Variants in ATXN1 observed in about 807,000 individuals in gnomAD.
ATXN1 encodes the protein ataxin-1.
A neutral mutation model predicts 56.4 loss-of-function variants in ATXN1; 8 were observed. The ratio of observed to expected loss-of-function variants is 0.14; its 90% CI spans 0.08 to 0.26. The LOEUF is 0.26. Ranked by LOEUF, ATXN1 falls within the 10% of genes least tolerant of loss-of-function variation. The pLI, the probability that ATXN1 is intolerant of heterozygous loss-of-function variation, is 1.00. For missense variants in ATXN1, 987 were observed against 1,106.5 expected (o/e 0.89, Z 1.53); for synonymous variants, 514 against 494.6 (o/e 1.04, Z -0.52).
intron 2 of ATXN1, among the ~76,000 whole-genome samples, chr6:16,688,838 T>C (rs780184990): frequency 8.5e-5 from 13 of 152,204 alleles, no homozygotes; most frequent in Non-Finnish European, 1.8e-4. Context: ...ATTTATGATA[T>C]CCCTGACAAC....
At chr6:16,377,621 T>G (rs1244562599) in intron 6 of ATXN1, among the ~76,000 whole-genome samples, 1 of 151,812 alleles carries the variant, frequency 6.6e-6, no homozygotes, top group Non-Finnish European at 1.5e-5. Flanking sequence ...TGGGGGTAGC[T>G]GAATGGTGCT....
At chr6:16,526,765 CAAA>C (rs34515868) in intron 4 of ATXN1, among the ~76,000 whole-genome samples, 3 of 116,574 alleles carry the variant, frequency 2.6e-5, no homozygotes, top group African/African-American at 3.4e-5. Flanking sequence ...AACTTCATCT[CAAA>C]AAAAAAAAAA....
chr6:16,309,392 A>G (rs977188729), intron 7 of ATXN1, among the ~76,000 whole-genome samples: 1 of 152,132 alleles, frequency 6.6e-6, no homozygotes, highest in African/African-American at 2.4e-5. Context: ...GGATTCTCTA[A>G]TTAGAGCTTT....
intron 3 of ATXN1, among the ~76,000 whole-genome samples, chr6:16,602,508 G>C (rs1244129535): frequency 2.0e-5 from 3 of 150,730 alleles, no homozygotes; most frequent in Non-Finnish European, 2.9e-5. Context: ...CTGGAGTGCA[G>C]TGGCATGATC....
Position 16,326,886 on chromosome 6 carries a change from G to A in ATXN1, c.1425C>T (p.Ala475=), listed in dbSNP as rs759173957. 1.8e-5 allele frequency: 29 copies of A among 1,612,046 alleles called. No homozygotes were observed. The highest frequency in any genetic ancestry group is 7.7e-5 in the South Asian group (7 of 91,024). The change falls in exon 7 of 8, where the codon GCC becomes GCT. Residue 475 remains alanine, a synonymous_variant. Coordinates refer to ENST00000436367, the MANE Select transcript of ATXN1 (RefSeq NM_001128164.2). This position sits in a 1 kb window ranked among gnomAD's most constrained non-coding sequence, Gnocchi z 6.6. Reference sequence around the variant, plus strand: ...TCACCAGGTGCTGGGGCAGGCTGCCGGCGTAGGTGATTGCTTGCTGCTGGC... The same window carrying A: ...TCACCAGGTGCTGGGGCAGGCTGCCAGCGTAGGTGATTGCTTGCTGCTGGC... ...LSGQQQAITY[A]GSLPQHLVIP...
rs1760187860 is a variant in ATXN1 at position 16,304,477 on chromosome 6, A to C, written c.*1852T>G. On this transcript the variant is annotated 3_prime_UTR_variant, in exon 8 of 8. Transcript: ENST00000436367. ...CATTCTGAAAATAACATTAATAACA[A>C]CAATAATAAAGTAATTGTTTAAAAA... 6.6e-6 allele frequency: 1 copy of C among 152,600 alleles called. No individual in the cohort carries two copies. Among genetic ancestry groups the C allele is most frequent in the Admixed American group, 6.5e-5 (1 of 15,280 alleles). 9.5% of individuals were successfully genotyped at this position (152,600 alleles called of 1,614,324 possible). A position where few individuals can be genotyped will look rare whatever the true frequency, so the allele number is the denominator to read the frequency against.
chr6:16,638,445 CAAAA>C (rs11310261), intron 3 of ATXN1, among the ~76,000 whole-genome samples: 1 of 92,582 alleles, frequency 1.1e-5, no homozygotes, highest in African/African-American at 4.2e-5. Flanking sequence ...GACGCTGCCT[CAAAA>C]AAAAAAAAAA....
intron 4 of ATXN1, among the ~76,000 whole-genome samples, chr6:16,537,436 G>A (rs767573981): frequency 2.6e-5 from 4 of 152,162 alleles, no homozygotes; most frequent in Admixed American, 2.0e-4. Context: ...CGGGCGCGGT[G>A]GCTCACGCAT....
chr6:16,433,144 TATAA>T (rs1348044819), intron 6 of ATXN1: 1 of 152,206 alleles, frequency 6.6e-6, no homozygotes, highest in Non-Finnish European at 1.5e-5. Flanking sequence ...TTTAAAAATC[TATAA>T]ATATTTAAAT....
Position 16,563,928 on chromosome 6 carries a change from T to C in ATXN1, c.-361+21852A>G, listed in dbSNP as rs1018329093. Among the ~76,000 whole-genome samples, 3 of 152,306 alleles carry C rather than the reference T, an allele frequency of 2.0e-5. No individual in the cohort carries two copies. In the East Asian group the frequency reaches 5.8e-4, roughly 29 times the overall value. On this transcript the variant is annotated intron_variant, in intron 4 of 7. Transcript: ENST00000436367. ...ATATTCCTTACTTTTTAGGATACAA[T>C]TGGGAGAAGCTCACGAATAGAAAGA...
intron 4 of ATXN1, among the ~76,000 whole-genome samples, chr6:16,583,587 T>C (rs1383758091): frequency 6.6e-6 from 1 of 152,124 alleles, no homozygotes; most frequent in East Asian, 1.9e-4. Flanking sequence ...TGCCAGACGG[T>C]GAGGGACTCT....
chr6:16,752,397 T>G (rs760746862), intron 2 of ATXN1, among the ~76,000 whole-genome samples: 1 of 152,170 alleles, frequency 6.6e-6, no homozygotes, highest in African/African-American at 2.4e-5. Context: ...TCATCAAGTC[T>G]AGGGTGGAGC....
At chr6:16,431,541 C>T (rs1759284004) in intron 6 of ATXN1, among the ~76,000 whole-genome samples, 1 of 152,124 alleles carries the variant, frequency 6.6e-6, no homozygotes, top group Non-Finnish European at 1.5e-5. Flanking sequence ...CTTGATTTTG[C>T]AGAAGTAAAA....
chr6:16,459,391 T>A (rs1287982187), intron 6 of ATXN1, among the ~76,000 whole-genome samples: 1 of 152,188 alleles, frequency 6.6e-6, no homozygotes, highest in Non-Finnish European at 1.5e-5. Context: ...TACAGGATAT[T>A]GTTATACATT....
At chr6:16,509,668 C>G (rs1175534935) in intron 5 of ATXN1, among the ~76,000 whole-genome samples, 1 of 152,112 alleles carries the variant, frequency 6.6e-6, no homozygotes, top group East Asian at 1.9e-4. Context: ...GCTGTCACTC[C>G]CCACTCCCGT....
chr6:16,460,312 G>C (rs1479617356), intron 6 of ATXN1, among the ~76,000 whole-genome samples: 4 of 152,160 alleles, frequency 2.6e-5, no homozygotes, highest in Non-Finnish European at 5.9e-5. Flanking sequence ...AGACTTGTAG[G>C]ACAACCCCAC....
chr6:16,758,981 C>T (rs1742294046), intron 1 of ATXN1, among the ~76,000 whole-genome samples: 1 of 152,118 alleles, frequency 6.6e-6, no homozygotes, highest in South Asian at 2.1e-4. Flanking sequence ...ATAAGCTTCA[C>T]TCCAAAAAAA....
Position 16,328,396 on chromosome 6 carries a change from T to C in ATXN1, c.-86A>G. 7.1e-7 allele frequency: 1 copy of C among 1,406,522 alleles called. No individual in the cohort carries two copies. Among genetic ancestry groups the C allele is most frequent in the Middle Eastern group, 2.6e-4 (1 of 3,884 alleles). The allele number at this position is 1,406,522 out of a possible 1,614,324, so 87.1% of individuals were successfully genotyped here. On this transcript the variant is annotated 5_prime_UTR_variant, in exon 7 of 8. Transcript: ENST00000436367. The surrounding 1 kb of genome is among the most constrained non-coding windows in gnomAD (Gnocchi z 6.2). ...TGATAAACGGAAAGTCACATTTGAT[T>C]TCTGTAGGGGATCCAGGCTCTTCAT...
chr6:16,601,571 C>T (rs2113780613), intron 3 of ATXN1, among the ~76,000 whole-genome samples: 1 of 152,314 alleles, frequency 6.6e-6, no homozygotes, highest in East Asian at 1.9e-4. Flanking sequence ...TTTATTTCAG[C>T]TGTGCGCAGT....
Sources: gnomAD v4.1 joint callset for allele counts (sites outside exome capture counted in the v4.1 genomes callset) on GRCh38, gnomAD v4.1.1 for gene constraint, Gnocchi (gnomAD v3.1) non-coding constraint, MANE v1.5 for transcripts, NCBI Gene and HGNC (gene_info 2026-07-23, HGNC 2026-07-21) for gene names.